Variants in ASCC1 observed in about 807,000 individuals in gnomAD.
ASCC1 encodes the protein activating signal cointegrator 1 complex subunit 1.
In ASCC1, 35 loss-of-function variants were observed where a neutral mutation model predicts 46.6. The observed-to-expected ratio is 0.75, with a 90% CI of 0.57 to 0.99. The LOEUF (loss-of-function observed/expected upper bound fraction) is 0.99. ASCC1 is among the 50% of genes least tolerant of loss of function. The pLI, the probability that ASCC1 is intolerant of heterozygous loss-of-function variation, is 0.00. For missense variants in ASCC1, 376 were observed against 428.7 expected (o/e 0.88, Z 1.09); for synonymous variants, 143 against 146.6 (o/e 0.98, Z 0.18).
rs10655614 is a variant in ASCC1 at position 72,141,036 on chromosome 10, TATAGATAGATAGATAG to T, written c.747-7871_747-7856del. ...ATACCAAGTATAACATCAAATTGTT[TATAGATAGATAGATAG>T]ATAGATAGATAGATAGATAGATAGA... On this transcript the variant is annotated intron_variant, in intron 7 of 9. Transcript: ENST00000672957. Among the ~76,000 whole-genome samples, 115 of 144,276 alleles carry T rather than the reference TATAGATAGATAGATAG, an allele frequency of 8.0e-4. 1 individual carries two copies. The highest frequency in any genetic ancestry group is 2.3e-3 in the Admixed American group (33 of 14,308). The allele number at this position is 144,276 out of a possible 152,430, so 94.7% of individuals were successfully genotyped here. A position where few individuals can be genotyped will look rare whatever the true frequency, so the allele number is the denominator to read the frequency against.
intron 9 of ASCC1, among the ~76,000 whole-genome samples, chr10:72,126,387 A>C (rs1180422996): frequency 6.6e-6 from 1 of 152,230 alleles, no homozygotes; most frequent in African/African-American, 2.4e-5. Flanking sequence ...CACCAGAGGG[A>C]GCTACATTCA....
Position 72,189,940 on chromosome 10 carries a change from G to A in ASCC1, c.489+6871C>T. On this transcript the variant is annotated intron_variant, in intron 5 of 9. Coordinates refer to ENST00000672957, the MANE Select transcript of ASCC1 (RefSeq NM_001198800.3). ...TGGCGGCAGCCATCAGGTAAGCCAAGACAAGTGCACACAAGTATATCCAGG... is the reference window on the plus strand; with the variant it reads ...TGGCGGCAGCCATCAGGTAAGCCAAAACAAGTGCACACAAGTATATCCAGG... 4 of 731,164 alleles carry A rather than the reference G, an allele frequency of 5.5e-6. 1 individual carries two copies. The South Asian group carries it at 5.7e-5, about 10-fold the overall frequency. 45.3% of individuals were successfully genotyped at this position (731,164 alleles called of 1,614,324 possible).
At chr10:72,180,049 G>C (rs1435171169) in intron 5 of ASCC1, among the ~76,000 whole-genome samples, 1 of 152,162 alleles carries the variant, frequency 6.6e-6, no homozygotes, top group Admixed American at 6.5e-5. Flanking sequence ...GGCCAAGGCA[G>C]GTGGATCACT....
At chr10:72,106,971 G>C (rs1290236543) in intron 9 of ASCC1, among the ~76,000 whole-genome samples, 1 of 152,126 alleles carries the variant, frequency 6.6e-6, no homozygotes, top group Non-Finnish European at 1.5e-5. Context: ...TCCATCCTTA[G>C]GCTGTGCATA....
intron 9 of ASCC1, among the ~76,000 whole-genome samples, chr10:72,099,220 T>C (rs1841437655): frequency 6.6e-6 from 1 of 152,218 alleles, no homozygotes; most frequent in Non-Finnish European, 1.5e-5. Flanking sequence ...CACTTCACCT[T>C]ATGCAGATGG....
At chr10:72,166,606 T>TA (rs1332832677) in intron 5 of ASCC1, among the ~76,000 whole-genome samples, 2 of 151,450 alleles carry the variant, frequency 1.3e-5, no homozygotes, top group Admixed American at 6.6e-5. Flanking sequence ...AATCAAAATT[T>TA]AAAACTTGTG....
chr10:72,127,041 G>C (rs1844946749), intron 9 of ASCC1, among the ~76,000 whole-genome samples: 1 of 152,190 alleles, frequency 6.6e-6, no homozygotes, highest in African/African-American at 2.4e-5. Flanking sequence ...GGTCACATTA[G>C]GCATTTGGCA....
chr10:72,211,574 CT>C (rs1858121429), intron 2 of ASCC1, among the ~76,000 whole-genome samples: 1 of 151,466 alleles, frequency 6.6e-6, no homozygotes, highest in African/African-American at 2.4e-5. Context: ...GCGCTTGTCT[CT>C]TAAAAAAAAA....
intron 8 of ASCC1, among the ~76,000 whole-genome samples, chr10:72,131,022 T>C (rs1037288271): frequency 2.0e-5 from 3 of 152,190 alleles, no homozygotes; most frequent in Non-Finnish European, 4.4e-5. Flanking sequence ...ATAAAACAAA[T>C]AGCACAAACC....
chr10:72,113,873 T>C (rs779943545), intron 9 of ASCC1, among the ~76,000 whole-genome samples: 12 of 152,216 alleles, frequency 7.9e-5, no homozygotes, highest in Non-Finnish European at 1.5e-4. Context: ...CAGAGCCATA[T>C]CTTATCACTA....
At position 72,109,319 on chromosome 10, in the gene ASCC1, A is replaced by G. The variant is rs1308260204; in HGVS notation, c.958-11869T>C. On this transcript the variant is annotated intron_variant, in intron 9 of 9. Transcript: ENST00000672957. ...GCAGGCCACTCCTGTTTTTGTCTCC[A>G]TTAAAATAGTACCAAAAGGCTTGTG... Among the ~76,000 whole-genome samples the G allele has an allele frequency of 3.9e-5, 6 of 152,188 alleles. No homozygotes were observed. The East Asian group carries it at 1.2e-3, about 29-fold the overall frequency.
At chr10:72,167,070 C>CA (rs953868915) in intron 5 of ASCC1, among the ~76,000 whole-genome samples, 4 of 151,816 alleles carry the variant, frequency 2.6e-5, no homozygotes, top group Middle Eastern at 3.4e-3. Flanking sequence ...AAAATTCATA[C>CA]AAAAAAAATA....
intron 7 of ASCC1, among the ~76,000 whole-genome samples, chr10:72,140,900 C>T (rs1347132267): frequency 6.6e-6 from 1 of 152,120 alleles, no homozygotes; most frequent in Non-Finnish European, 1.5e-5. Context: ...TTTTAATGTC[C>T]TCTTTCTGTC....
rs549343520 is a variant in ASCC1, at chr10:72,208,939, G to T, written c.212+1793C>A. 3.3e-5 allele frequency among the ~76,000 whole-genome samples: 5 copies of T among 152,256 alleles called. No homozygotes were observed. In the East Asian group the frequency reaches 9.6e-4, roughly 29 times the overall value. On this transcript the variant is annotated intron_variant, in intron 3 of 9. Coordinates refer to ENST00000672957, the MANE Select transcript of ASCC1 (RefSeq NM_001198800.3). ...AGCCCACTGGGAGGCCAAGGCGGGT[G>T]GACTGCTTGAGTTCCAGAGTTCAAG...
At chr10:72,175,002 A>C (rs1030298228) in intron 5 of ASCC1, among the ~76,000 whole-genome samples, 3 of 152,324 alleles carry the variant, frequency 2.0e-5, no homozygotes, top group African/African-American at 7.2e-5. Flanking sequence ...TGCTTCCCCT[A>C]TACTCGTTGT....
intron 4 of ASCC1, among the ~76,000 whole-genome samples, chr10:72,198,964 G>A (rs1485435783): frequency 2.1e-5 from 3 of 142,724 alleles, no homozygotes; most frequent in Admixed American, 7.1e-5. Flanking sequence ...TTACAGGCAC[G>A]TGCCACCACA....
chr10:72,152,274 C>G (rs1380542757), intron 7 of ASCC1, among the ~76,000 whole-genome samples: 6 of 151,196 alleles, frequency 4.0e-5, no homozygotes, highest in Admixed American at 3.3e-4. Context: ...AAGCAGTCCA[C>G]CCACCTCAGC....
chr10:72,204,446 T>C (rs971802341), intron 3 of ASCC1: 1 of 1,550,336 alleles, frequency 6.5e-7, no homozygotes, highest in Non-Finnish European at 8.7e-7. Flanking sequence ...ATAAATATTC[T>C]GACAATCCAA....
At chr10:72,183,146 G>A (rs867786795) in intron 5 of ASCC1, among the ~76,000 whole-genome samples, 9 of 151,040 alleles carry the variant, frequency 6.0e-5, no homozygotes, top group Non-Finnish European at 1.2e-4. Context: ...AAGTTCAAGC[G>A]ATCCTCCCTG....
Sources: allele counts gnomAD v4.1 joint callset (sites outside exome capture counted in the v4.1 genomes callset), GRCh38; gene constraint gnomAD v4.1.1; transcripts MANE v1.5; gene names NCBI Gene and HGNC (gene_info 2026-07-23, HGNC 2026-07-21).